EXPH5: variants seen among roughly 807,000 people sequenced by gnomAD.
EXPH5 encodes the protein exophilin-5.
Under a neutral mutation model 41.1 loss-of-function variants are expected in EXPH5, and 42 were observed. That is an observed-to-expected ratio of 1.02 (90% CI 0.80 to 1.32). The LOEUF is 1.32. EXPH5 is among the 40% of genes most tolerant of loss of function. The pLI, the probability that EXPH5 is intolerant of heterozygous loss-of-function variation, is 0.00. For synonymous variants in EXPH5, 798 were observed against 833.5 expected, an observed-to-expected ratio of 0.96 and a Z score of 0.73; for missense variants, 2,298 against 2,314.5, an observed-to-expected ratio of 0.99 and a Z score of 0.15.
chr11:108,579,245 G>A (rs1243803976), intron 1 of EXPH5, among the ~76,000 whole-genome samples: 1 of 150,836 alleles, frequency 6.6e-6, no homozygotes, highest in African/African-American at 2.4e-5. Context: ...TTTAATGAAT[G>A]CTTTTTTGAC....
chr11:108,598,005 T>G (rs2094141096), upstream of EXPH5, among the ~76,000 whole-genome samples: 1 of 152,136 alleles, frequency 6.6e-6, no homozygotes. Flanking sequence ...GCATAGAGGT[T>G]AAAAAATAAA....
At chr11:108,598,740 T>C (rs920360258), upstream of EXPH5, among the ~76,000 whole-genome samples, 1 of 152,104 alleles carries the variant, frequency 6.6e-6, no homozygotes, top group African/African-American at 2.4e-5. Context: ...GGCTCTGGGC[T>C]GATGTCTCTG....
Position 108,513,349 on chromosome 11 carries a change from T to C in EXPH5, c.2158A>G (p.Thr720Ala). 1 of 1,614,076 alleles carries C rather than the reference T, an allele frequency of 6.2e-7. No homozygotes were observed. Among genetic ancestry groups the C allele is most frequent in the South Asian group, 1.1e-5 (1 of 91,050 alleles). Residue 720 changes from threonine (T) to alanine (A), a missense_variant, in exon 6 of 6, where the codon ACA becomes GCA. By Grantham distance (58) the Thr-to-Ala change is moderately conservative. Transcript: ENST00000265843. ...EDKQLSKMDQ[T>A]NKAGEIPQPV... ...TGGGGTATTTCACCTGCCTTGTTTG[T>C]CTGGTCCATCTTGCTTAGCTGTTTG...
At chr11:108,569,092 C>T (rs1454586262) in intron 1 of EXPH5, among the ~76,000 whole-genome samples, 7 of 152,088 alleles carry the variant, frequency 4.6e-5, no homozygotes, top group Admixed American at 6.5e-5. Flanking sequence ...ACATTCACTA[C>T]GATGGTGTCT....
chr11:108,521,977 T>C (rs759532095), intron 4 of EXPH5, among the ~76,000 whole-genome samples: 67 of 152,274 alleles, frequency 4.4e-4, no homozygotes, highest in Non-Finnish European at 8.7e-4. Flanking sequence ...GAGATGACCC[T>C]CTCTAGATTG....
At chr11:108,545,468 T>C (rs1442027077) in intron 1 of EXPH5, among the ~76,000 whole-genome samples, 1 of 152,110 alleles carries the variant, frequency 6.6e-6, no homozygotes, top group African/African-American at 2.4e-5. Flanking sequence ...ACAATATTGA[T>C]ATAAGGTAAC....
At position 108,506,874 on chromosome 11, in the gene EXPH5, C is replaced by G. The variant is rs534267351; in HGVS notation, c.*2663G>C. On this transcript the variant is annotated 3_prime_UTR_variant, in exon 6 of 6. Transcript: ENST00000265843. ...GGCGTGGTGGTGGGCACCTGTAATC[C>G]CAGCTACTCGGGAAGCTGAGGCAGG... 2 of 152,178 alleles carry G rather than the reference C, an allele frequency of 1.3e-5. No homozygotes were observed. The highest frequency in any genetic ancestry group is 4.2e-4 in the South Asian group (2 of 4,802). 9.4% of individuals were successfully genotyped at this position (152,178 alleles called of 1,614,324 possible).
At chr11:108,580,007 TAA>T (rs2094093095) in intron 1 of EXPH5, among the ~76,000 whole-genome samples, 1 of 152,100 alleles carries the variant, frequency 6.6e-6, no homozygotes, top group African/African-American at 2.4e-5. Flanking sequence ...ATTTTATGAA[TAA>T]GACCTCAAAA....
chr11:108,521,102 C>T (rs976448241), intron 4 of EXPH5, among the ~76,000 whole-genome samples: 1 of 152,184 alleles, frequency 6.6e-6, no homozygotes, highest in Admixed American at 6.5e-5. Context: ...TCTTTATTTT[C>T]AGCTCACTCT....
In EXPH5 at chr11:108,591,156, T is replaced by G. The variant is rs187081972; in HGVS notation, c.119+2262A>C. On this transcript the variant is annotated intron_variant, in intron 1 of 5. Coordinates refer to ENST00000265843, the MANE Select transcript of EXPH5 (RefSeq NM_015065.3). ...CTTCCCTGAGTCTCTCAGACAGGCC[T>G]GTTGAAGCATCTCTTTTTTGTTGTT... is the stretch of plus-strand genomic sequence containing the variant. Among the ~76,000 whole-genome samples, 334 of 152,354 alleles carry G rather than the reference T, an allele frequency of 2.2e-3. 2 individuals carry two copies. The highest frequency in any genetic ancestry group is 7.6e-3 in the African/African-American group (316 of 41,580).
upstream of EXPH5, among the ~76,000 whole-genome samples, chr11:108,597,356 C>G (rs917225782): frequency 6.6e-6 from 1 of 152,156 alleles, no homozygotes; most frequent in African/African-American, 2.4e-5. Context: ...CGCCACCGCA[C>G]CCAGCTAATT....
chr11:108,562,263 G>GTT (rs1358194853), intron 1 of EXPH5, among the ~76,000 whole-genome samples: 4 of 46,736 alleles, frequency 8.6e-5, no homozygotes, highest in African/African-American at 2.2e-4. Flanking sequence ...AATTTTTTCT[G>GTT]TGTTTTTTTT....
chr11:108,526,661 G>A (rs2093801378), intron 4 of EXPH5, among the ~76,000 whole-genome samples: 1 of 152,152 alleles, frequency 6.6e-6, no homozygotes, highest in Non-Finnish European at 1.5e-5. Flanking sequence ...CGAGCAACTG[G>A]GGTCCATGTG....
At chr11:108,516,250 A>T (rs894609253) in intron 5 of EXPH5, among the ~76,000 whole-genome samples, 2 of 152,170 alleles carry the variant, frequency 1.3e-5, no homozygotes, top group Non-Finnish European at 2.9e-5. Flanking sequence ...TGTCAAAGTC[A>T]GTGCCCAGGG....
intron 1 of EXPH5, among the ~76,000 whole-genome samples, chr11:108,579,717 T>TTTTTTCCCTCTCCTCC (rs1239124170): frequency 6.6e-5 from 10 of 152,174 alleles, no homozygotes; most frequent in Non-Finnish European, 1.3e-4. Flanking sequence ...CCACTGAAAC[T>TTTTTTCCCTCTCCTCC]GCTGTGAATT....
intron 3 of EXPH5, among the ~76,000 whole-genome samples, chr11:108,528,581 G>A (rs981574715): frequency 2.8e-4 from 43 of 152,124 alleles, no homozygotes; most frequent in African/African-American, 1.0e-3. Context: ...CCCATTTTAC[G>A]GATGAGAAGA....
chr11:108,549,751 T>C (rs2093955114), intron 1 of EXPH5, among the ~76,000 whole-genome samples: 1 of 152,198 alleles, frequency 6.6e-6, no homozygotes, highest in Non-Finnish European at 1.5e-5. Context: ...CTGGGTGATC[T>C]TGGCCAAATA....
chr11:108,568,309 G>A (rs1029254111), intron 1 of EXPH5, among the ~76,000 whole-genome samples: 11 of 152,128 alleles, frequency 7.2e-5, no homozygotes, highest in South Asian at 2.1e-4. Flanking sequence ...CCTCTGGCTC[G>A]CTGGGCACCT....
At chr11:108,601,892 G>A in the EXPH5 span, among the ~76,000 whole-genome samples, 4 of 152,122 alleles carry the variant, frequency 2.6e-5, no homozygotes, top group Admixed American at 2.6e-4. Context: ...GGGTCTACAG[G>A]TGTGAGCCAC....
Sources: allele counts gnomAD v4.1 joint callset (sites outside exome capture counted in the v4.1 genomes callset), GRCh38; gene constraint gnomAD v4.1.1; transcripts MANE v1.5; gene names NCBI Gene and HGNC (gene_info 2026-07-23, HGNC 2026-07-21).